Variants in SH3GLB1 observed in about 807,000 individuals in gnomAD.
The protein encoded by SH3GLB1 is SH3 domain containing GRB2 like, endophilin B1, also known as endophilin-B1.
SH3GLB1 carries 17 observed loss-of-function variants against 42.0 expected under a neutral mutation model. The observed-to-expected ratio is 0.40, with a 90% CI of 0.28 to 0.61. SH3GLB1 has a LOEUF of 0.61. SH3GLB1 is among the 20% of genes least tolerant of loss of function. The probability of loss-of-function intolerance (pLI) is 0.36; values close to 1 mark genes in which losing one functional copy is unlikely to be tolerated. For missense variants in SH3GLB1, 355 were observed against 426.3 expected (o/e 0.83, Z 1.47); for synonymous variants, 132 against 146.6 (o/e 0.90, Z 0.72).
chr1:86,722,873 C>T (rs1654945926), intron 4 of SH3GLB1, among the ~76,000 whole-genome samples, 200 bp downstream of exon 4: 1 of 152,152 alleles, frequency 6.6e-6, no homozygotes. Context: ...GTGTGTCCTA[C>T]AGTGTTATTG....
At chr1:86,725,280 C>T (rs1365417385) in intron 5 of SH3GLB1, among the ~76,000 whole-genome samples, 1 of 151,904 alleles carries the variant, frequency 6.6e-6, no homozygotes. Context: ...ACCATTCAAA[C>T]CAACAGTGGC....
chr1:86,710,719 TA>T (rs1265283993), intron 1 of SH3GLB1, among the ~76,000 whole-genome samples: 1 of 152,220 alleles, frequency 6.6e-6, no homozygotes, highest in East Asian at 1.9e-4. Context: ...GAGACCAGCT[TA>T]CTGAAAGAAC....
chr1:86,708,511 T>C (rs1654007114), intron 1 of SH3GLB1, among the ~76,000 whole-genome samples: 1 of 152,208 alleles, frequency 6.6e-6, no homozygotes, highest in East Asian at 1.9e-4. Flanking sequence ...CTCAAACTAG[T>C]AAAGCACATA....
intron 5 of SH3GLB1, among the ~76,000 whole-genome samples, chr1:86,726,481 A>C (rs1655200506): frequency 6.6e-6 from 1 of 151,868 alleles, no homozygotes; most frequent in South Asian, 2.1e-4. Flanking sequence ...CGTATTTTTG[A>C]GGATAAAGGT....
chr1:86,708,439 A>G (rs1202030069), intron 1 of SH3GLB1, among the ~76,000 whole-genome samples: 1 of 152,178 alleles, frequency 6.6e-6, no homozygotes, highest in Non-Finnish European at 1.5e-5. Context: ...ATTGTTTTCC[A>G]TTTTACTTAA....
chr1:86,717,669 G>A (rs540409309), intron 2 of SH3GLB1, among the ~76,000 whole-genome samples: 71 of 152,082 alleles, frequency 4.7e-4, no homozygotes, highest in African/African-American at 1.7e-3. Context: ...TAATCTGCCC[G>A]CCTCAGCCTC....
intron 1 of SH3GLB1, among the ~76,000 whole-genome samples, chr1:86,713,316 A>T (rs1476649634): frequency 3.3e-5 from 5 of 151,996 alleles, no homozygotes; most frequent in Non-Finnish European, 7.4e-5. Flanking sequence ...TCCTGAGCTC[A>T]AGTGATCTGC....
chr1:86,732,231 C>A (rs558973563), intron 5 of SH3GLB1, among the ~76,000 whole-genome samples: 7 of 152,180 alleles, frequency 4.6e-5, no homozygotes, highest in Non-Finnish European at 1.0e-4. Context: ...ATCTTGATAT[C>A]GTGGGCCAAC....
rs1656099052 is a variant in SH3GLB1, at chr1:86,742,312, G to A, written c.866G>A (p.Gly289Asp). 3.1e-6 allele frequency: 5 copies of A among 1,614,074 alleles called. No individual in the cohort carries two copies. The highest frequency in any genetic ancestry group is 3.4e-6 in the Non-Finnish European group (4 of 1,180,006). ...IGSSAMASTS[G>D]LVITSPSNLS... Reference sequence around the variant, plus strand: ...TCTTCTGCCATGGCTTCAACAAGTGGCCTAGTAATCACCTCTCCTTCCAAC... The same window carrying A: ...TCTTCTGCCATGGCTTCAACAAGTGACCTAGTAATCACCTCTCCTTCCAAC... The change falls in exon 8 of 9, where the codon GGC becomes GAC. Residue 289 changes from glycine (G) to aspartate (D), a missense_variant. Transcript: ENST00000370558.
chr1:86,731,105 T>C (rs1311973400), intron 5 of SH3GLB1, among the ~76,000 whole-genome samples: 1 of 152,210 alleles, frequency 6.6e-6, no homozygotes, highest in African/African-American at 2.4e-5. Flanking sequence ...TCTAATCTTC[T>C]GTGGGCTGGG....
At chr1:86,719,995 C>CA (rs570115346) in intron 3 of SH3GLB1, among the ~76,000 whole-genome samples, 12,266 of 61,714 alleles carry the variant, frequency 0.2, 1,545 homozygotes, top group African/African-American at 0.31. Flanking sequence ...GACTCTGTCT[C>CA]AAAAAAAAAA....
chr1:86,715,196 A>T (rs1236046215), intron 1 of SH3GLB1, among the ~76,000 whole-genome samples: 1 of 151,588 alleles, frequency 6.6e-6, no homozygotes, highest in Non-Finnish European at 1.5e-5. Context: ...CTTAATAATT[A>T]CAAGGCACCA....
chr1:86,722,725 C>T, intron 4 of SH3GLB1, 52 bp downstream of exon 4: 2 of 1,442,316 alleles, frequency 1.4e-6, no homozygotes, highest in Non-Finnish European at 1.9e-6. Flanking sequence ...GATATATATA[C>T]TTTTTAATGA....
intron 1 of SH3GLB1, among the ~76,000 whole-genome samples, chr1:86,710,033 A>G (rs1654107577): frequency 1.3e-5 from 2 of 152,234 alleles, no homozygotes; most frequent in Non-Finnish European, 1.5e-5. Context: ...ATTCTAATAA[A>G]TAAAATATGT....
intron 3 of SH3GLB1, among the ~76,000 whole-genome samples, chr1:86,721,838 A>C (rs1654877528): frequency 6.6e-6 from 1 of 152,076 alleles, no homozygotes; most frequent in South Asian, 2.1e-4. Context: ...ATCCATGGAT[A>C]CTCAGGTGTC....
rs1357938338 is a variant in SH3GLB1, at chr1:86,724,207, T to C, written c.478-106T>C. On this transcript the variant is annotated intron_variant, in intron 4 of 8. Coordinates refer to ENST00000370558, the MANE Select transcript of SH3GLB1 (RefSeq NM_016009.5). ...AGCCAATTTTGTAGTCATAGATCTT[T>C]ATCAAGTGATACATATGTTTACTAG... 4.1e-6 allele frequency: 3 copies of C among 729,832 alleles called. No individual in the cohort carries two copies. The East Asian group carries it at 9.1e-5, about 22-fold the overall frequency. The allele number at this position is 729,832 out of a possible 1,614,324, so 45.2% of individuals were successfully genotyped here.
intron 1 of SH3GLB1, among the ~76,000 whole-genome samples, chr1:86,710,515 T>A (rs568081796): frequency 1.7e-4 from 26 of 152,322 alleles, no homozygotes; most frequent in Non-Finnish European, 3.2e-4. Flanking sequence ...TCCACCCGCC[T>A]CAGCCTCCCA....
chr1:86,728,370 A>T, intron 5 of SH3GLB1: 1 of 1,171,824 alleles, frequency 8.5e-7, no homozygotes, highest in Non-Finnish European at 1.2e-6. Context: ...TCATTGGTAT[A>T]ATGTGTTCTT....
At chr1:86,730,473 G>T in intron 5 of SH3GLB1, 1 of 671,082 alleles carries the variant, frequency 1.5e-6, no homozygotes, top group African/African-American at 2.0e-5. Context: ...TATCTTCAGA[G>T]AATGGGATAT....
Sources: gnomAD v4.1 joint callset for allele counts (sites outside exome capture counted in the v4.1 genomes callset) on GRCh38, gnomAD v4.1.1 for gene constraint, MANE v1.5 for transcripts, NCBI Gene and HGNC (gene_info 2026-07-23, HGNC 2026-07-21) for gene names.